Variants in NDUFB11 observed in about 807,000 individuals in gnomAD.
NDUFB11 encodes the protein NADH dehydrogenase [ubiquinone] 1 beta subcomplex subunit 11, mitochondrial.
For synonymous variants in NDUFB11, 51 were observed against 57.4 expected, an observed-to-expected ratio of 0.89 and a Z score of 0.51; for missense variants, 108 against 133.8, an observed-to-expected ratio of 0.81 and a Z score of 0.95.
At position 47,142,367 on chromosome X, in the gene NDUFB11, C is replaced by T; in HGVS notation, c.412G>A (p.Glu138Lys). 3 of 1,211,584 alleles carry T rather than the reference C, an allele frequency of 2.5e-6. No homozygotes were observed. Among genetic ancestry groups the T allele is most frequent in the Non-Finnish European group, 3.4e-6 (3 of 895,436 alleles). The change falls in exon 3 of 3, where the codon GAA (glutamate) becomes AAA (lysine). Residue 138 changes from glutamate to lysine, a missense_variant. Coordinates refer to ENST00000377811, the MANE Select transcript of NDUFB11 (RefSeq NM_001135998.3). ...YREANGLPIM[E>K]SNCFDPSKIQ... Reference sequence around the variant, plus strand: ...TTGCTGGGGTCGAAGCAGTTGGATTCCATGATGGGAAGGCCATTGGCCTCT... The same window carrying T: ...TTGCTGGGGTCGAAGCAGTTGGATTTCATGATGGGAAGGCCATTGGCCTCT...
At chrX:47,142,492 A>C in intron 2 of NDUFB11, 52 bp from the exon 3 acceptor site, 1 of 1,202,557 alleles carries the variant, frequency 8.3e-7, no homozygotes, top group South Asian at 1.8e-5. Flanking sequence ...ACTGATACCA[A>C]TCCCTCATCT....
chrX:47,145,169 T>TC (rs1202222094), upstream of NDUFB11: 6 of 421,008 alleles, frequency 1.4e-5, no homozygotes, highest in African/African-American at 1.5e-4. Flanking sequence ...GCCAGGGCTG[T>TC]CCCCTAGCGG....
At chrX:47,145,378 C>T (rs1932017959), upstream of NDUFB11, 1 of 1,079,863 alleles carries the variant, frequency 9.3e-7, no homozygotes, top group African/African-American at 1.8e-5. Flanking sequence ...CAGTCTCGGA[C>T]TTGGTTGTTG....
intron 1 of NDUFB11, among the ~76,000 whole-genome samples, chrX:47,143,150 T>G (rs781980750): frequency 8.9e-6 from 1 of 112,729 alleles, no homozygotes; most frequent in Non-Finnish European, 1.9e-5. Flanking sequence ...TCCACTTATC[T>G]TGCTTAACTT....
At position 47,142,666 on chromosome X, in the gene NDUFB11, A is replaced by C; in HGVS notation, c.286T>G (p.Ser96Ala). ...NMRLVFFFGVSIILVLGSTFV... is the reference protein window; with the variant it reads ...NMRLVFFFGVAIILVLGSTFV... The stretch of plus-strand genomic sequence containing the variant: ...GTGCTGCCAAGGACCAGGATGATGG[A>C]GACGCCAAAGAAGAAGACAAGTCGC... Residue 96 changes from serine to alanine, a missense_variant, in exon 2 of 3, where the codon TCC becomes GCC. By Grantham distance (99) the Ser-to-Ala change is moderately conservative (BLOSUM62 1). Coordinates refer to ENST00000377811, the MANE Select transcript of NDUFB11 (RefSeq NM_001135998.3). 1 of 1,211,883 alleles carries C rather than the reference A, an allele frequency of 8.3e-7. No homozygotes were observed. The highest frequency in any genetic ancestry group is 1.1e-6 in the Non-Finnish European group (1 of 895,483).
chrX:47,145,380 T>G, upstream of NDUFB11: 23 of 1,050,329 alleles, frequency 2.2e-5, no homozygotes, highest in Non-Finnish European at 2.6e-5. Context: ...GTCTCGGACT[T>G]GGTTGTTGCG....
Position 47,144,632 on chromosome X carries a change from TGCC to T in NDUFB11, c.45_47del (p.Ala18del). On this transcript the variant is annotated inframe_deletion, in exon 1 of 3. Transcript: ENST00000377811. ...CGGCCGGGAGCCCTCGCGTCGCCGC[TGCC>T]GCCAAAAGACGGCGAGCGCTCAAAC... 1 of 1,186,064 alleles carries T rather than the reference TGCC, an allele frequency of 8.4e-7. No homozygotes were observed.
chrX:47,144,445 T>TGGCCCCC, intron 1 of NDUFB11, 28 bp downstream of exon 1: 2 of 61,003 alleles, frequency 3.3e-5, no homozygotes, highest in Non-Finnish European at 5.3e-5. Flanking sequence ...CCGTCCCCAC[T>TGGCCCCC]ACCCCCCCCC....
At chrX:47,142,507 T>TC in intron 2 of NDUFB11, 67 bp from the exon 3 acceptor site, 7 of 1,202,923 alleles carry the variant, frequency 5.8e-6, no homozygotes, top group Non-Finnish European at 7.9e-6. Flanking sequence ...TCATCTCAGC[T>TC]CCCCATTCCC....
chrX:47,145,172 C>T, upstream of NDUFB11: 2 of 424,217 alleles, frequency 4.7e-6, no homozygotes, highest in South Asian at 3.4e-5. Flanking sequence ...AGGGCTGTCC[C>T]CTAGCGGGCG....
chrX:47,144,759 T>A, upstream of NDUFB11: 2 of 911,139 alleles, frequency 2.2e-6, no homozygotes, highest in Non-Finnish European at 2.9e-6. Flanking sequence ...AGCGCGACAA[T>A]CATCGCCCCG....
chrX:47,145,466 T>G (rs781798954), upstream of NDUFB11: 9 of 1,151,643 alleles, frequency 7.8e-6, no homozygotes, highest in South Asian at 1.7e-4. Context: ...AGCCCTTCCT[T>G]GACAGCCCGG....
chrX:47,145,308 A>G (rs1932012371), upstream of NDUFB11: 1 of 666,460 alleles, frequency 1.5e-6, no homozygotes, highest in Non-Finnish European at 2.3e-6. Flanking sequence ...AGTAGGCGGC[A>G]GTGAGTTTCC....
Position 47,144,607 on chromosome X carries a change from C to G in NDUFB11, c.73G>C (p.Ala25Pro). The G allele has an allele frequency of 8.3e-7, 1 of 1,199,041 alleles. No individual in the cohort carries two copies. The highest frequency in any genetic ancestry group is 1.7e-5 in the African/African-American group (1 of 57,465). Residue 25 changes from alanine (A) to proline (P), a missense_variant, in exon 1 of 3, where the codon GCC (alanine) becomes CCC (proline). By Grantham distance (27) the Ala-to-Pro change is conservative. Transcript: ENST00000377811. ...AAAATRGLPA[A>P]RVRWESSFSR... Reference sequence around the variant, plus strand: ...AAGCTAGATTCCCAGCGGACGCGGGCGGCCGGGAGCCCTCGCGTCGCCGCT... The same window carrying G: ...AAGCTAGATTCCCAGCGGACGCGGGGGGCCGGGAGCCCTCGCGTCGCCGCT...
In NDUFB11 at chrX:47,142,306, T is replaced by G; in HGVS notation, c.*11A>C. 8.3e-7 allele frequency: 1 copy of G among 1,205,656 alleles called. No individual in the cohort carries two copies. Among genetic ancestry groups the G allele is most frequent in the Non-Finnish European group, 1.1e-6 (1 of 893,475 alleles). ...GAAGGCGGTGCTTCTTGAGCCCCACTTAGCAACTGGTCACTCATCCTCTGG... is the reference window on the plus strand; with the variant it reads ...GAAGGCGGTGCTTCTTGAGCCCCACGTAGCAACTGGTCACTCATCCTCTGG... On this transcript the variant is annotated 3_prime_UTR_variant, in exon 3 of 3. Transcript: ENST00000377811.
At position 47,142,606 on chromosome X, in the gene NDUFB11, C is replaced by T; in HGVS notation, c.338+8G>A. ...TACCCATCCCACGCTCTTGGACACC[C>T]TGTGCACCTGTAGTCAGGCAGATAG... On this transcript the variant is annotated splice_region_variant and intron_variant, in intron 2 of 2. Transcript: ENST00000377811. 8.3e-7 allele frequency: 1 copy of T among 1,211,717 alleles called. No individual in the cohort carries two copies. Among genetic ancestry groups the T allele is most frequent in the Non-Finnish European group, 1.1e-6 (1 of 895,479 alleles).
upstream of NDUFB11, chrX:47,144,756 C>T: frequency 4.3e-6 from 4 of 925,765 alleles, no homozygotes; most frequent in Non-Finnish European, 5.7e-6. Flanking sequence ...GCGAGCGCGA[C>T]AATCATCGCC....
Position 47,142,348 on chromosome X carries a change from G to T in NDUFB11, c.431C>A (p.Pro144His). 8.3e-7 allele frequency: 1 copy of T among 1,210,662 alleles called. No homozygotes were observed. Among genetic ancestry groups the T allele is most frequent in the East Asian group, 3.0e-5 (1 of 33,820 alleles). Residue 144 changes from proline (P) to histidine (H), a missense_variant, in exon 3 of 3, where the codon CCC becomes CAC. Physicochemically the swap from Pro to His is moderately conservative, Grantham distance 77. Transcript: ENST00000377811. Reference sequence around the variant, plus strand: ...ATCCTCTGGCAGCTGGATCTTGCTGGGGTCGAAGCAGTTGGATTCCATGAT... The same window carrying T: ...ATCCTCTGGCAGCTGGATCTTGCTGTGGTCGAAGCAGTTGGATTCCATGAT... Reference protein sequence around the residue: ...LPIMESNCFDPSKIQLPEDE With the variant: ...LPIMESNCFDHSKIQLPEDE
upstream of NDUFB11, chrX:47,145,175 A>G (rs1931998331): frequency 4.8e-6 from 2 of 419,519 alleles, no homozygotes; most frequent in African/African-American, 4.9e-5. Flanking sequence ...GCTGTCCCCT[A>G]GCGGGCGGTG....
Sources: gnomAD v4.1 joint callset for allele counts (sites outside exome capture counted in the v4.1 genomes callset) on GRCh38, gnomAD v4.1.1 for gene constraint, MANE v1.5 for transcripts, NCBI Gene and HGNC (gene_info 2026-07-23, HGNC 2026-07-21) for gene names.